The following ZNF407 variants were observed in gnomAD, a reference collection of about 807,000 sequenced individuals.
ZNF407 encodes zinc finger protein 407.
In ZNF407, 17 loss-of-function variants were observed where a neutral mutation model predicts 131.2. The observed-to-expected ratio is 0.13, with a 90% CI of 0.09 to 0.19. The LOEUF (loss-of-function observed/expected upper bound fraction) is 0.19, where lower values mean the gene tolerates loss of function less well. Ranked by LOEUF, ZNF407 falls within the 10% of genes least tolerant of loss-of-function variation. ZNF407 has a pLI of 1.00. For missense variants in ZNF407, 2,681 were observed against 2,830.6 expected (o/e 0.95, Z 1.20); for synonymous variants, 1,156 against 1,062.0 (o/e 1.09, Z -1.72).
intron 8 of ZNF407, among the ~76,000 whole-genome samples, chr18:75,006,884 A>G (rs185610555): frequency 4.3e-4 from 66 of 152,030 alleles, no homozygotes; most frequent in Admixed American, 2.2e-3. Context: ...ACAACTATGT[A>G]TAGAATTCTT....
At chr18:74,674,330 T>A (rs1427517654) in intron 3 of ZNF407, among the ~76,000 whole-genome samples, 1 of 152,152 alleles carries the variant, frequency 6.6e-6, no homozygotes, top group African/African-American at 2.4e-5. Context: ...AGTGCTGACA[T>A]CATGAAAGTT....
At chr18:74,629,325 CAT>C (rs1199543881) in intron 1 of ZNF407, among the ~76,000 whole-genome samples, 6 of 152,126 alleles carry the variant, frequency 3.9e-5, no homozygotes, top group Admixed American at 3.9e-4. Context: ...AGTATCTTTT[CAT>C]ATGTGTATTA....
intron 4 of ZNF407, among the ~76,000 whole-genome samples, chr18:74,811,439 G>C (rs2145088529): frequency 6.6e-6 from 1 of 152,240 alleles, no homozygotes; most frequent in East Asian, 1.9e-4. Flanking sequence ...CTGTAAACTA[G>C]TTCAACCATT....
intron 8 of ZNF407, among the ~76,000 whole-genome samples, chr18:75,019,315 G>A (rs369229401): frequency 3.9e-4 from 59 of 152,190 alleles, no homozygotes; most frequent in African/African-American, 1.3e-3. Flanking sequence ...AGCCAGGGAC[G>A]AGAAAGTGAC....
At chr18:74,723,227 A>G (rs1293303504) in intron 3 of ZNF407, among the ~76,000 whole-genome samples, 1 of 152,162 alleles carries the variant, frequency 6.6e-6, no homozygotes, top group South Asian at 2.1e-4. Context: ...TTCATTAGCT[A>G]TGATTATAGC....
At chr18:74,923,963 C>T (rs1223996673) in intron 8 of ZNF407, among the ~76,000 whole-genome samples, 1 of 151,982 alleles carries the variant, frequency 6.6e-6, no homozygotes, top group Non-Finnish European at 1.5e-5. Flanking sequence ...CCTAATGTCC[C>T]TCAAGCAGAA....
intron 8 of ZNF407, among the ~76,000 whole-genome samples, chr18:75,052,970 C>G (rs1196008330): frequency 6.6e-6 from 1 of 152,192 alleles, no homozygotes; most frequent in African/African-American, 2.4e-5. Flanking sequence ...TTAACAAAGC[C>G]TTTAATTTCC....
At chr18:74,783,197 G>A (rs568514050) in intron 4 of ZNF407, among the ~76,000 whole-genome samples, 24 of 152,154 alleles carry the variant, frequency 1.6e-4, no homozygotes, top group Admixed American at 3.9e-4. Context: ...TAAGGACTGA[G>A]CCTAGAAAAT....
intron 3 of ZNF407, among the ~76,000 whole-genome samples, chr18:74,699,417 G>T (rs1290865894): frequency 2.0e-5 from 3 of 152,252 alleles, no homozygotes; most frequent in Non-Finnish European, 4.4e-5. Flanking sequence ...ATAACTGAAG[G>T]GTACTTGCGT....
chr18:74,839,623 T>C (rs1424712996), intron 4 of ZNF407, among the ~76,000 whole-genome samples: 2 of 152,196 alleles, frequency 1.3e-5, no homozygotes, highest in Non-Finnish European at 2.9e-5. Context: ...TTGAATAACT[T>C]GGGACTATAG....
At chr18:74,715,879 T>C (rs999665357) in intron 3 of ZNF407, among the ~76,000 whole-genome samples, 2 of 152,182 alleles carry the variant, frequency 1.3e-5, no homozygotes, top group Non-Finnish European at 2.9e-5. Flanking sequence ...CCTGATTACT[T>C]TACATTTTCG....
chr18:75,063,552 T>G lies in ZNF407; in HGVS notation c.5831T>G (p.Val1944Gly). The G allele has an allele frequency of 1.3e-6, 2 of 1,567,298 alleles. No homozygotes were observed. Among genetic ancestry groups the G allele is most frequent in the Non-Finnish European group, 1.7e-6 (2 of 1,157,784 alleles). The change falls in exon 9 of 9, where the codon GTG becomes GGG. Residue 1944 changes from valine to glycine, a missense_variant. Around this residue, in one of 6 missense-constraint regions of ZNF407, gnomAD observed 620 missense variants for 583.1 expected, o/e 1.06. Coordinates refer to ENST00000299687, the MANE Select transcript of ZNF407 (RefSeq NM_017757.3). The surrounding 1 kb of genome is among the most constrained non-coding windows in gnomAD (Gnocchi z 6.6). ...GATGGAGCCACCCAGGTGGTCGTCG[T>G]GGGGGGCTCCATGGAAGGCCACGGC... ...LADGATQVVV[V>G]GGSMEGHGMD... is the part of the protein sequence containing the mutation.
At chr18:74,625,335 T>G (rs1599020854) in intron 1 of ZNF407, among the ~76,000 whole-genome samples, 1 of 136,304 alleles carries the variant, frequency 7.3e-6, no homozygotes. Flanking sequence ...TCTAAGCAAA[T>G]GTGTGTGTGT....
At chr18:74,997,278 G>A (rs1972790368) in intron 8 of ZNF407, among the ~76,000 whole-genome samples, 2 of 152,012 alleles carry the variant, frequency 1.3e-5, no homozygotes, top group Non-Finnish European at 2.9e-5. Context: ...CCAGCTACAC[G>A]AATCCCATCA....
At chr18:75,042,276 CTTA>C (rs1159728087) in intron 8 of ZNF407, among the ~76,000 whole-genome samples, 2 of 151,916 alleles carry the variant, frequency 1.3e-5, no homozygotes, top group Non-Finnish European at 2.9e-5. Flanking sequence ...GATTTTTGTA[CTTA>C]TTATACTTCA....
At chr18:74,884,702 G>A (rs566596753) in intron 6 of ZNF407, among the ~76,000 whole-genome samples, 14 of 152,240 alleles carry the variant, frequency 9.2e-5, no homozygotes, top group Middle Eastern at 3.4e-3. Flanking sequence ...TTATTCCTTA[G>A]AAGGACTGTT....
intron 3 of ZNF407, among the ~76,000 whole-genome samples, chr18:74,673,396 C>G (rs763676331): frequency 6.6e-5 from 10 of 152,180 alleles, no homozygotes; most frequent in Non-Finnish European, 1.3e-4. Flanking sequence ...TGCTCATTGG[C>G]TAGGGTCCCC....
At chr18:74,860,098 G>C (rs1970916269) in intron 4 of ZNF407, among the ~76,000 whole-genome samples, 1 of 152,078 alleles carries the variant, frequency 6.6e-6, no homozygotes, top group African/African-American at 2.4e-5. Flanking sequence ...TTGAGCCCAG[G>C]AGTTTGAGAC....
intron 7 of ZNF407, among the ~76,000 whole-genome samples, chr18:74,916,954 A>G (rs552334794): frequency 6.6e-6 from 1 of 152,150 alleles, no homozygotes; most frequent in Non-Finnish European, 1.5e-5. Context: ...GTAAAGGCCC[A>G]TGGAGGCTGA....
Sources: allele counts gnomAD v4.1 joint callset (sites outside exome capture counted in the v4.1 genomes callset), GRCh38; gene constraint gnomAD v4.1.1; regional missense constraint gnomAD v4.1.1; non-coding constraint Gnocchi (gnomAD v3.1); transcripts MANE v1.5; gene names NCBI Gene and HGNC (gene_info 2026-07-23, HGNC 2026-07-21).